The following SYCE1 variants were observed in gnomAD, a reference collection of about 807,000 sequenced individuals.
SYCE1 encodes synaptonemal complex central element protein 1.
Under a neutral mutation model 55.1 loss-of-function variants are expected in SYCE1, and 37 were observed. That is an observed-to-expected ratio of 0.67 (90% CI 0.52 to 0.88). SYCE1 has a LOEUF of 0.88. SYCE1 is among the 40% of genes least tolerant of loss of function. The probability of loss-of-function intolerance (pLI) is 0.00; values close to 1 mark genes in which losing one functional copy is unlikely to be tolerated. For missense variants in SYCE1, 399 were observed against 416.4 expected (o/e 0.96, Z 0.36); for synonymous variants, 163 against 159.4 (o/e 1.02, Z -0.17).
intron 1 of SYCE1, among the ~76,000 whole-genome samples, chr10:133,563,323 G>A (rs183215157): frequency 4.4e-4 from 67 of 152,138 alleles, no homozygotes; most frequent in African/African-American, 1.4e-3. Flanking sequence ...ATGCCTTAGG[G>A]GATTTGTTAA....
At chr10:133,565,051 A>G (rs1016013132) in intron 1 of SYCE1, among the ~76,000 whole-genome samples, 1 of 152,190 alleles carries the variant, frequency 6.6e-6, no homozygotes, top group African/African-American at 2.4e-5. Flanking sequence ...CCCACTGTCA[A>G]GAACCAGTTT....
At chr10:133,565,948 A>G (rs138969697), upstream of SYCE1, among the ~76,000 whole-genome samples, 2 of 152,182 alleles carry the variant, frequency 1.3e-5, no homozygotes, top group Non-Finnish European at 2.9e-5. Context: ...TGGCAGCCTC[A>G]TGAGGTTGCG....
chr10:133,565,430 G>A (rs1267465380), intron 1 of SYCE1, 27 bp downstream of exon 1: 8 of 1,539,312 alleles, frequency 5.2e-6, no homozygotes, highest in Non-Finnish European at 7.0e-6. Context: ...AGACCCTCAC[G>A]CACAGTTCCC....
intron 1 of SYCE1, 32 bp downstream of exon 1, chr10:133,565,425 C>G (rs1564859685): frequency 6.5e-7 from 1 of 1,535,314 alleles, no homozygotes; most frequent in Non-Finnish European, 8.8e-7. Context: ...AGGTCAGACC[C>G]TCACGCACAG....
upstream of SYCE1, among the ~76,000 whole-genome samples, chr10:133,566,248 G>T (rs1851932120): frequency 6.6e-6 from 1 of 152,348 alleles, no homozygotes; most frequent in African/African-American, 2.4e-5. Context: ...GCCAGGGGAG[G>T]CCGCGATGCA....
intron 1 of SYCE1, among the ~76,000 whole-genome samples, chr10:133,563,356 G>T (rs961006426): frequency 6.6e-6 from 1 of 152,042 alleles, no homozygotes; most frequent in Non-Finnish European, 1.5e-5. Flanking sequence ...ACATACACAG[G>T]ATGAAATCAT....
chr10:133,566,055 G>A (rs889661122), upstream of SYCE1, among the ~76,000 whole-genome samples: 1 of 152,238 alleles, frequency 6.6e-6, no homozygotes, highest in South Asian at 2.1e-4. Context: ...GCGCGCAGAG[G>A]AGCGTAGCCT....
downstream of SYCE1, chr10:133,554,429 T>C: frequency 4.7e-6 from 5 of 1,054,710 alleles, no homozygotes; most frequent in Non-Finnish European, 7.4e-6. Context: ...GTCAACGCAT[T>C]TCAGTGAATT....
At chr10:133,554,587 A>T, downstream of SYCE1, 1 of 679,496 alleles carries the variant, frequency 1.5e-6, no homozygotes, top group Middle Eastern at 2.4e-4. Context: ...ACCAGTGGGG[A>T]CTACCATATG....
chr10:133,558,943 TC>T lies in SYCE1; in HGVS notation c.204del (p.Ala70ProfsTer5), dbSNP rs1453320816. 4 of 1,610,750 alleles carry T rather than the reference TC, an allele frequency of 2.5e-6. No homozygotes were observed. The African/African-American group carries it at 5.4e-5, about 22-fold the overall frequency. On this transcript the variant is annotated frameshift_variant, in exon 4 of 13. Coordinates refer to ENST00000343131, the MANE Select transcript of SYCE1 (RefSeq NM_001143764.3). LOFTEE classifies it high-confidence loss of function. Reference protein sequence around the residue: ...NRINEVQQAKKKANKDLGEAR... With the variant: ...NRINEVQQAKXKANKDLGEAR... Reference sequence around the variant, plus strand: ...GCCTCTCCTAGGTCTTTATTGGCTTTCTTTTTTGCTTCACCAAAGAGCAGAA... The same window carrying T: ...GCCTCTCCTAGGTCTTTATTGGCTTTTTTTTTGCTTCACCAAAGAGCAGAA...
chr10:133,557,161 G>C lies in SYCE1; in HGVS notation c.375-5C>G. 1 of 1,613,402 alleles carries C rather than the reference G, an allele frequency of 6.2e-7. No individual in the cohort carries two copies. Among genetic ancestry groups the C allele is most frequent in the Non-Finnish European group, 8.5e-7 (1 of 1,179,604 alleles). The stretch of plus-strand genomic sequence containing the variant: ...TCCTGCAACATGGTGTGCTTCCTGG[G>C]AGAGGCGAGGCAGCCCTCAGCCATG... On this transcript the variant is annotated splice_region_variant and splice_polypyrimidine_tract_variant and intron_variant, in intron 6 of 12. Transcript: ENST00000343131.
intron 5 of SYCE1, 44 bp downstream of exon 5, chr10:133,558,123 G>A: frequency 6.2e-7 from 1 of 1,613,030 alleles, no homozygotes; most frequent in Non-Finnish European, 8.5e-7. Context: ...GGCTTCTGTG[G>A]GTTGGCAAAG....
chr10:133,555,232 G>C (rs1333991657), intron 12 of SYCE1, 103 bp from the exon 13 acceptor site: 1 of 1,557,050 alleles, frequency 6.4e-7, no homozygotes. Flanking sequence ...GTATGGGAAA[G>C]GCCCTCCCCA....
chr10:133,555,557 T>C, intron 11 of SYCE1, 40 bp downstream of exon 11: 2 of 1,602,364 alleles, frequency 1.2e-6, no homozygotes, highest in Non-Finnish European at 1.7e-6. Flanking sequence ...ATCAGTCATC[T>C]TCCTGGTGGG....
At position 133,555,826 on chromosome 10, in the gene SYCE1, G is replaced by C; in HGVS notation, c.673C>G (p.Leu225Val). The C allele has an allele frequency of 6.2e-7, 1 of 1,613,822 alleles. No individual in the cohort carries two copies. The highest frequency in any genetic ancestry group is 8.5e-7 in the Non-Finnish European group (1 of 1,180,016). The change falls in exon 10 of 13, where the codon CTT (leucine) becomes GTT (valine). Residue 225 changes from leucine to valine, a missense_variant. Coordinates refer to ENST00000343131, the MANE Select transcript of SYCE1 (RefSeq NM_001143764.3). ...CTGCGGAGAAAGAGTCCCTCATCAA[G>C]GGTGGAGGGGCCCTCAGCCCCACAC... ...SLCGAEGPSTLDEGLFLRSQE... is the reference protein window; with the variant it reads ...SLCGAEGPSTVDEGLFLRSQE...
rs780597988 is a variant in SYCE1, at chr10:133,555,940, C to T, written c.596-37G>A. On this transcript the variant is annotated intron_variant, in intron 9 of 12. Coordinates refer to ENST00000343131, the MANE Select transcript of SYCE1 (RefSeq NM_001143764.3). ...AGGGGCAGGTGAGCACATGAAGGCACGTGAGGTCAGATATGGGCCATCCAC... is the reference window on the plus strand; with the variant it reads ...AGGGGCAGGTGAGCACATGAAGGCATGTGAGGTCAGATATGGGCCATCCAC... The T allele has an allele frequency of 9.3e-6, 15 of 1,613,526 alleles. No individual in the cohort carries two copies. In the South Asian group the frequency reaches 9.9e-5, roughly 11 times the overall value.
At chr10:133,559,422 T>C (rs915791651) in intron 2 of SYCE1, 62 bp from the exon 3 acceptor site, 6 of 1,516,060 alleles carry the variant, frequency 4.0e-6, no homozygotes, top group African/African-American at 2.7e-5. Context: ...TTGCCAGCCT[T>C]GTGTCTCTGC....
chr10:133,563,498 A>C (rs1851860482), intron 1 of SYCE1, among the ~76,000 whole-genome samples: 1 of 152,126 alleles, frequency 6.6e-6, no homozygotes. Context: ...AGCCTGAGCA[A>C]TGCAGCAAGA....
intron 1 of SYCE1, among the ~76,000 whole-genome samples, chr10:133,561,518 C>G (rs962062907): frequency 1.3e-5 from 2 of 152,090 alleles, no homozygotes; most frequent in Admixed American, 1.3e-4. Context: ...ATGAAAGTTC[C>G]TTTCTGGAGT....
Sources: allele counts gnomAD v4.1 joint callset (sites outside exome capture counted in the v4.1 genomes callset), GRCh38; gene constraint gnomAD v4.1.1; transcripts MANE v1.5; gene names NCBI Gene and HGNC (gene_info 2026-07-23, HGNC 2026-07-21).